The following CNTNAP2 variants were observed in gnomAD, a reference collection of about 807,000 sequenced individuals.
CNTNAP2 encodes contactin associated protein 2, also known as contactin-associated protein-like 2.
CNTNAP2 carries 98 observed loss-of-function variants against 155.2 expected under a neutral mutation model. That is an observed-to-expected ratio of 0.63 (90% CI 0.54 to 0.75). The LOEUF (loss-of-function observed/expected upper bound fraction) is 0.75. Among genes scored for constraint, CNTNAP2 ranks in the 30% least tolerant of loss-of-function variants. The probability of loss-of-function intolerance (pLI) is 0.00; values close to 1 mark genes in which losing one functional copy is unlikely to be tolerated. For synonymous variants in CNTNAP2, 651 were observed against 631.2 expected, an observed-to-expected ratio of 1.03 and a Z score of -0.47; for missense variants, 1,727 against 1,688.1, an observed-to-expected ratio of 1.02 and a Z score of -0.40.
intron 20 of CNTNAP2, among the ~76,000 whole-genome samples, chr7:148,245,450 G>T (rs1796243583): frequency 1.3e-5 from 2 of 152,208 alleles, no homozygotes. Flanking sequence ...TGAAGGGGAG[G>T]ACCAGATGTT....
intron 1 of CNTNAP2, among the ~76,000 whole-genome samples, chr7:146,407,135 CTG>C (rs1395488885): frequency 6.6e-6 from 1 of 152,128 alleles, no homozygotes; most frequent in Non-Finnish European, 1.5e-5. Context: ...CAGAATAAAA[CTG>C]TGCTTTTCTA....
intron 8 of CNTNAP2, among the ~76,000 whole-genome samples, chr7:147,297,152 GA>G (rs1041115945): frequency 4.6e-5 from 7 of 152,092 alleles, no homozygotes; most frequent in African/African-American, 1.4e-4. Flanking sequence ...GTAGAGCTGA[GA>G]AGCCATAGTC....
At chr7:147,758,278 A>G (rs1358693514) in intron 13 of CNTNAP2, among the ~76,000 whole-genome samples, 3 of 152,218 alleles carry the variant, frequency 2.0e-5, no homozygotes, top group Non-Finnish European at 4.4e-5. Flanking sequence ...TAACTGTTTT[A>G]CTTATCTCAC....
chr7:147,938,569 AAAAC>A (rs1800658336), intron 14 of CNTNAP2, among the ~76,000 whole-genome samples: 1 of 152,234 alleles, frequency 6.6e-6, no homozygotes. Context: ...AATATATTAA[AAAAC>A]AAAACTTTAA....
At chr7:146,323,844 A>ATCG (rs1801049014) in intron 1 of CNTNAP2, among the ~76,000 whole-genome samples, 1 of 152,020 alleles carries the variant, frequency 6.6e-6, no homozygotes, top group Admixed American at 6.5e-5. Flanking sequence ...TAAATGCATC[A>ATCG]TTTATTAACA....
intron 15 of CNTNAP2, among the ~76,000 whole-genome samples, chr7:148,092,991 G>A (rs1345761840): frequency 6.6e-6 from 1 of 151,000 alleles, no homozygotes; most frequent in African/African-American, 2.4e-5. Flanking sequence ...CTTCAGCACA[G>A]CAATTTGTTC....
At chr7:147,859,151 G>A (rs531226947) in intron 13 of CNTNAP2, among the ~76,000 whole-genome samples, 1 of 152,078 alleles carries the variant, frequency 6.6e-6, no homozygotes, top group Admixed American at 6.6e-5. Context: ...TTACCAAGAA[G>A]TAGGGAAGTT....
chr7:146,973,198 T>C (rs1797838074), intron 3 of CNTNAP2, among the ~76,000 whole-genome samples: 1 of 152,146 alleles, frequency 6.6e-6, no homozygotes, highest in Non-Finnish European at 1.5e-5. Context: ...CCAGCTAATT[T>C]TGTAATTTTA....
At chr7:148,405,205 G>A (rs1043385507) in intron 22 of CNTNAP2, among the ~76,000 whole-genome samples, 88 of 152,098 alleles carry the variant, frequency 5.8e-4, no homozygotes, top group Non-Finnish European at 1.2e-3. Flanking sequence ...CCCCAGGAAG[G>A]AAGGGGCAGG....
chr7:146,928,296 T>G lies in CNTNAP2; in HGVS notation c.402+88392T>G, dbSNP rs1227234364. Among the ~76,000 whole-genome samples, 5 of 152,310 alleles carry G rather than the reference T, an allele frequency of 3.3e-5. No homozygotes were observed. In the East Asian group the frequency reaches 9.6e-4, roughly 29 times the overall value. ...AAGTTCCTCTTTACTTACTAACATTTCTCTAAACAGTCTTGCATAAAATTG... is the reference window on the plus strand; with the variant it reads ...AAGTTCCTCTTTACTTACTAACATTGCTCTAAACAGTCTTGCATAAAATTG... On this transcript the variant is annotated intron_variant, in intron 3 of 23. Coordinates refer to ENST00000361727, the MANE Select transcript of CNTNAP2 (RefSeq NM_014141.6).
At chr7:148,341,681 C>T (rs1368312942) in intron 21 of CNTNAP2, among the ~76,000 whole-genome samples, 1 of 152,138 alleles carries the variant, frequency 6.6e-6, no homozygotes, top group African/African-American at 2.4e-5. Context: ...AATGTTCTAA[C>T]TTTCACATTC....
intron 1 of CNTNAP2, among the ~76,000 whole-genome samples, chr7:146,398,112 TCC>T (rs1200092219): frequency 1.3e-5 from 2 of 151,012 alleles, no homozygotes; most frequent in Non-Finnish European, 2.9e-5. Context: ...GCTCAAGTGA[TCC>T]GCCTGCCTTA....
intron 10 of CNTNAP2, among the ~76,000 whole-genome samples, chr7:147,484,213 A>C (rs1405413192): frequency 6.6e-6 from 1 of 152,142 alleles, no homozygotes; most frequent in Non-Finnish European, 1.5e-5. Flanking sequence ...TTTATAAAAA[A>C]GTAAGTGTCT....
chr7:146,786,679 AAC>A (rs1248971453), intron 2 of CNTNAP2, among the ~76,000 whole-genome samples: 1 of 152,240 alleles, frequency 6.6e-6, no homozygotes, highest in Non-Finnish European at 1.5e-5. Context: ...TCAAAATGTA[AAC>A]ACAAAATGTA....
chr7:146,925,957 C>T (rs1796599421), intron 3 of CNTNAP2, among the ~76,000 whole-genome samples: 1 of 152,062 alleles, frequency 6.6e-6, no homozygotes, highest in Admixed American at 6.6e-5. Flanking sequence ...TTCTTTTGTG[C>T]AGAAGCAATT....
At chr7:146,463,200 G>C (rs1796664728) in intron 1 of CNTNAP2, among the ~76,000 whole-genome samples, 1 of 152,102 alleles carries the variant, frequency 6.6e-6, no homozygotes, top group Admixed American at 6.6e-5. Flanking sequence ...CTGTTATCTT[G>C]CTCAATTCTT....
intron 8 of CNTNAP2, among the ~76,000 whole-genome samples, chr7:147,154,109 CA>C (rs11341264): frequency 0.044 from 6,486 of 149,094 alleles, 411 homozygotes; most frequent in African/African-American, 0.15. Flanking sequence ...CCTCCCCCCA[CA>C]AAAAAAAAGA....
chr7:147,695,761 C>T (rs530719944), intron 13 of CNTNAP2, among the ~76,000 whole-genome samples: 86 of 152,198 alleles, frequency 5.7e-4, no homozygotes, highest in African/African-American at 2.0e-3. Context: ...GAGATTGTGC[C>T]ACTGCACTCC....
At chr7:148,061,952 GATAT>G (rs763705565) in intron 15 of CNTNAP2, among the ~76,000 whole-genome samples, 1 of 105,048 alleles carries the variant, frequency 9.5e-6, no homozygotes, top group Non-Finnish European at 1.9e-5. Flanking sequence ...TAGATAAACA[GATAT>G]AGATAGATAG....
Sources: gnomAD v4.1 joint callset for allele counts (sites outside exome capture counted in the v4.1 genomes callset) on GRCh38, gnomAD v4.1.1 for gene constraint, MANE v1.5 for transcripts, NCBI Gene and HGNC (gene_info 2026-07-23, HGNC 2026-07-21) for gene names.